Variants in NLK observed in about 807,000 individuals in gnomAD.
The protein encoded by NLK is serine/threonine-protein kinase NLK.
In NLK, 11 loss-of-function variants were observed where a neutral mutation model predicts 59.0. The ratio of observed to expected loss-of-function variants is 0.19; its 90% CI spans 0.12 to 0.31. The LOEUF is 0.31. Among genes scored for constraint, NLK ranks in the 10% least tolerant of loss-of-function variants. NLK has a pLI of 1.00. For synonymous variants in NLK, 235 were observed against 235.9 expected (o/e 1.00, Z 0.03); for missense variants, 410 against 661.1 (o/e 0.62, Z 4.16).
chr17:28,133,419 C>G (rs938659783), intron 3 of NLK, among the ~76,000 whole-genome samples: 1 of 152,114 alleles, frequency 6.6e-6, no homozygotes, highest in African/African-American at 2.4e-5. Context: ...GGCTAGAGCC[C>G]TTAACGTTCT....
At chr17:28,201,745 G>A in the NLK span, among the ~76,000 whole-genome samples, 794 of 152,258 alleles carry the variant, frequency 5.2e-3, 13 homozygotes, top group African/African-American at 0.018. Flanking sequence ...GCAGGGCACA[G>A]TGGCTCACAC....
intron 3 of NLK, among the ~76,000 whole-genome samples, chr17:28,134,762 T>C (rs550106815): frequency 6.6e-6 from 1 of 152,360 alleles, no homozygotes; most frequent in South Asian, 2.1e-4. Context: ...CTTGACTGGT[T>C]CCTGGCTGAC....
At chr17:28,143,907 T>G (rs1265228256) in intron 3 of NLK, among the ~76,000 whole-genome samples, 1 of 152,258 alleles carries the variant, frequency 6.6e-6, no homozygotes, top group Non-Finnish European at 1.5e-5. Flanking sequence ...AGTGCCTTAT[T>G]ATGACATATT....
chr17:28,165,700 C>T (rs1353240077), intron 5 of NLK, among the ~76,000 whole-genome samples: 4 of 152,062 alleles, frequency 2.6e-5, no homozygotes, highest in Non-Finnish European at 5.9e-5. Context: ...CTATTTTGGA[C>T]TCAGGTTGTC....
downstream of NLK, among the ~76,000 whole-genome samples, chr17:28,201,010 A>G (rs1269065616): frequency 6.6e-6 from 1 of 152,192 alleles, no homozygotes. Flanking sequence ...CCATATTTGC[A>G]TGGGTCTATT....
chr17:28,198,107 T>C (rs1253715977), downstream of NLK, among the ~76,000 whole-genome samples: 1 of 152,116 alleles, frequency 6.6e-6, no homozygotes, highest in Non-Finnish European at 1.5e-5. Context: ...TAAGGATAAA[T>C]GAAGACTCCA....
intron 1 of NLK, among the ~76,000 whole-genome samples, chr17:28,098,818 G>A (rs973404530): frequency 4.6e-5 from 7 of 151,446 alleles, no homozygotes; most frequent in South Asian, 2.1e-4. Flanking sequence ...GAGTAGCTGC[G>A]ATTACAGACA....
intron 1 of NLK, among the ~76,000 whole-genome samples, chr17:28,085,097 A>G (rs950025657): frequency 2.0e-5 from 3 of 152,346 alleles, no homozygotes; most frequent in East Asian, 1.9e-4. Context: ...TAATAGTCAC[A>G]TGGTTTAGAA....
At chr17:28,146,440 A>G (rs1907258439) in intron 3 of NLK, among the ~76,000 whole-genome samples, 1 of 152,046 alleles carries the variant, frequency 6.6e-6, no homozygotes, top group Non-Finnish European at 1.5e-5. Context: ...GCTACCACCT[A>G]AATCGTTTTC....
At chr17:28,167,256 G>A (rs1407821215) in intron 5 of NLK, among the ~76,000 whole-genome samples, 2 of 151,860 alleles carry the variant, frequency 1.3e-5, no homozygotes, top group African/African-American at 4.8e-5. Context: ...TTAAAGATAG[G>A]GTCTCAATCT....
rs34056850 is a variant in NLK at position 28,106,993 on chromosome 17, C to CA, written c.459-15610_459-15609insA. Among the ~76,000 whole-genome samples, 1,000 of 152,218 alleles carry CA rather than the reference C, an allele frequency of 6.6e-3. 17 individuals are homozygous for CA. The highest frequency in any genetic ancestry group is 0.022 in the African/African-American group (931 of 41,564). Reference sequence around the variant, plus strand: ...AAACTACTGAAATGGATAATTAAAACTTTTTTTAACTTTAAAAACTAGATT... The same window carrying CA: ...AAACTACTGAAATGGATAATTAAAACATTTTTTTAACTTTAAAAACTAGATT... On this transcript the variant is annotated intron_variant, in intron 1 of 10. Coordinates refer to ENST00000407008, the MANE Select transcript of NLK (RefSeq NM_016231.5).
At chr17:28,145,179 C>T (rs1907194143) in intron 3 of NLK, among the ~76,000 whole-genome samples, 1 of 151,804 alleles carries the variant, frequency 6.6e-6, no homozygotes, top group Non-Finnish European at 1.5e-5. Context: ...TTTTTTTTAC[C>T]AAAGAAAATA....
At chr17:28,056,947 C>CTTT (rs934652705) in intron 1 of NLK, among the ~76,000 whole-genome samples, 318 of 86,852 alleles carry the variant, frequency 3.7e-3, no homozygotes, top group East Asian at 5.2e-3. Context: ...CATTACCTAC[C>CTTT]TTTTTTTTTT....
chr17:28,106,150 A>G (rs1597683448), intron 1 of NLK, among the ~76,000 whole-genome samples: 1 of 152,346 alleles, frequency 6.6e-6, no homozygotes, highest in South Asian at 2.1e-4. Context: ...CTCACTCTAC[A>G]TATTTTATTG....
At chr17:28,129,470 G>A (rs1237823812) in intron 2 of NLK, among the ~76,000 whole-genome samples, 1 of 151,906 alleles carries the variant, frequency 6.6e-6, no homozygotes, top group Non-Finnish European at 1.5e-5. Context: ...AAGCAAAGGG[G>A]CTAAAATGTC....
intron 2 of NLK, among the ~76,000 whole-genome samples, chr17:28,129,512 A>C (rs1219121783): frequency 6.6e-6 from 1 of 152,158 alleles, no homozygotes; most frequent in Admixed American, 6.5e-5. Flanking sequence ...ATTTACATAG[A>C]AATATGTGTG....
At chr17:28,136,583 TG>T (rs1906755556) in intron 3 of NLK, among the ~76,000 whole-genome samples, 2 of 152,150 alleles carry the variant, frequency 1.3e-5, no homozygotes, top group South Asian at 4.1e-4. Context: ...GTGTCCTAAA[TG>T]GGAAGTTTTC....
intron 1 of NLK, among the ~76,000 whole-genome samples, chr17:28,108,173 G>A (rs186406771): frequency 5.9e-5 from 9 of 152,152 alleles, no homozygotes; most frequent in African/African-American, 1.7e-4. Context: ...GGTTGTAGCC[G>A]AGATCACATC....
At chr17:28,097,888 C>T (rs1904758373) in intron 1 of NLK, among the ~76,000 whole-genome samples, 1 of 152,040 alleles carries the variant, frequency 6.6e-6, no homozygotes, top group Non-Finnish European at 1.5e-5. Context: ...TTAAATTCAC[C>T]AAGCTTTAAT....
Sources: allele counts gnomAD v4.1 joint callset (sites outside exome capture counted in the v4.1 genomes callset), GRCh38; gene constraint gnomAD v4.1.1; transcripts MANE v1.5; gene names NCBI Gene and HGNC (gene_info 2026-07-23, HGNC 2026-07-21).